Variants in PDE4D observed in about 807,000 individuals in gnomAD.
PDE4D encodes 3',5'-cyclic-AMP phosphodiesterase 4D.
Under a neutral mutation model 87.4 loss-of-function variants are expected in PDE4D, and 24 were observed. The observed-to-expected ratio is 0.27, with a 90% confidence interval of 0.20 to 0.39. The LOEUF is 0.39. PDE4D is among the 10% of genes least tolerant of loss of function. The pLI is 1.00. For synonymous variants in PDE4D, 384 were observed against 383.2 expected, an observed-to-expected ratio of 1.00 and a Z score of -0.02; for missense variants, 714 against 1,041.0, an observed-to-expected ratio of 0.69 and a Z score of 4.32.
At chr5:59,336,800 C>A (rs1015313985) in intron 1 of PDE4D, among the ~76,000 whole-genome samples, 6 of 152,134 alleles carry the variant, frequency 3.9e-5, no homozygotes, top group Admixed American at 1.3e-4. Flanking sequence ...TCTCCATCTT[C>A]CAAGACCCAG....
At chr5:59,393,471 C>T (rs1257710945) in intron 1 of PDE4D, among the ~76,000 whole-genome samples, 1 of 152,194 alleles carries the variant, frequency 6.6e-6, no homozygotes, top group Non-Finnish European at 1.5e-5. Context: ...CACAACTACA[C>T]AAACATATGT....
intron 3 of PDE4D, among the ~76,000 whole-genome samples, chr5:59,963,562 A>ACAGATTACTTATC (rs113058201): frequency 6.6e-6 from 1 of 151,768 alleles, no homozygotes; most frequent in Admixed American, 6.6e-5. Context: ...CTTCTGAAGC[A>ACAGATTACTTATC]CTAAGTTAAC....
intron 5 of PDE4D, among the ~76,000 whole-genome samples, chr5:59,160,399 C>A (rs1780885017): frequency 6.6e-6 from 1 of 151,982 alleles, no homozygotes. Context: ...TAGTGTACAA[C>A]CTTTATTACA....
chr5:59,340,115 C>T (rs899768524), intron 1 of PDE4D, among the ~76,000 whole-genome samples: 4 of 152,120 alleles, frequency 2.6e-5, no homozygotes, highest in Admixed American at 2.6e-4. Flanking sequence ...GCACACTCTA[C>T]AGAAAGTTCC....
intron 1 of PDE4D, among the ~76,000 whole-genome samples, chr5:59,652,237 G>A (rs1743630032): frequency 6.6e-6 from 1 of 152,132 alleles, no homozygotes; most frequent in Non-Finnish European, 1.5e-5. Context: ...AACCTAATCT[G>A]TGAAGCACTC....
chr5:60,372,202 C>T (rs1761093391), intron 1 of PDE4D, among the ~76,000 whole-genome samples: 1 of 150,552 alleles, frequency 6.6e-6, no homozygotes, highest in Non-Finnish European at 1.5e-5. Context: ...CTGTAGATTT[C>T]ATTTGCATTT....
intron 1 of PDE4D, among the ~76,000 whole-genome samples, chr5:59,475,710 T>C (rs1176408571): frequency 6.6e-6 from 1 of 152,006 alleles, no homozygotes; most frequent in Non-Finnish European, 1.5e-5. Flanking sequence ...TCTTACACAG[T>C]GCTTTTTTAG....
chr5:59,959,011 A>G lies in PDE4D; in HGVS notation c.272+29477T>C, dbSNP rs564054248. On this transcript the variant is annotated intron_variant, in intron 3 of 16. Coordinates refer to the PDE4D transcript ENST00000502484. ...AGTAAAGTTTCAGGATACAAAATGAATGTACGAAAATCAGTAGCATTTCTA... is the reference window on the plus strand; with the variant it reads ...AGTAAAGTTTCAGGATACAAAATGAGTGTACGAAAATCAGTAGCATTTCTA... Among the ~76,000 whole-genome samples, 5 of 152,214 alleles carry G rather than the reference A, an allele frequency of 3.3e-5. No homozygotes were observed. In the South Asian group the frequency reaches 6.2e-4, roughly 19 times the overall value.
At chr5:60,239,989 T>C (rs1746895993) in intron 1 of PDE4D, among the ~76,000 whole-genome samples, 1 of 152,136 alleles carries the variant, frequency 6.6e-6, no homozygotes, top group Non-Finnish European at 1.5e-5. Context: ...ATTCTTCTCT[T>C]GTTCCAGATG....
chr5:59,365,710 G>A (rs961442185), intron 1 of PDE4D, among the ~76,000 whole-genome samples: 2 of 152,072 alleles, frequency 1.3e-5, no homozygotes, highest in Non-Finnish European at 2.9e-5. Flanking sequence ...GTGGCTGGGG[G>A]TACAGAGATG....
intron 1 of PDE4D, among the ~76,000 whole-genome samples, chr5:60,187,423 C>T (rs745763467): frequency 5.3e-5 from 8 of 152,000 alleles, no homozygotes; most frequent in East Asian, 3.9e-4. Flanking sequence ...AGATAACAGC[C>T]GTAGGAAACA....
At chr5:60,466,599 T>C (rs1247042072) in intron 1 of PDE4D, among the ~76,000 whole-genome samples, 1 of 152,188 alleles carries the variant, frequency 6.6e-6, no homozygotes, top group Non-Finnish European at 1.5e-5. Flanking sequence ...GAGAGAAATT[T>C]TGTATTGAAT....
At chr5:59,936,762 T>G (rs2152794456) in intron 3 of PDE4D, among the ~76,000 whole-genome samples, 1 of 152,320 alleles carries the variant, frequency 6.6e-6, no homozygotes, top group African/African-American at 2.4e-5. Flanking sequence ...GAATCTGTAA[T>G]GTAACATTGA....
intron 3 of PDE4D, among the ~76,000 whole-genome samples, chr5:59,186,134 AT>A (rs1742859147): frequency 6.6e-6 from 1 of 152,152 alleles, no homozygotes; most frequent in Non-Finnish European, 1.5e-5. Context: ...ATTATAGGTG[AT>A]TTGGGTGACA....
At chr5:60,384,256 G>A (rs1235208618) in intron 1 of PDE4D, among the ~76,000 whole-genome samples, 2 of 152,070 alleles carry the variant, frequency 1.3e-5, no homozygotes, top group African/African-American at 4.8e-5. Flanking sequence ...TAGAGGGGCA[G>A]CATTTTTCAG....
chr5:60,465,882 G>GA (rs11427068), intron 1 of PDE4D, among the ~76,000 whole-genome samples: 4,761 of 126,082 alleles, frequency 0.038, 83 homozygotes, highest in Middle Eastern at 0.092. Flanking sequence ...CAGTGAAAGT[G>GA]AAAAAAAAAA....
intron 11 of PDE4D, among the ~76,000 whole-genome samples, chr5:58,979,998 A>T (rs1250252416): frequency 6.6e-6 from 1 of 152,186 alleles, no homozygotes; most frequent in African/African-American, 2.4e-5. Context: ...GCAAGGCACA[A>T]CATTTAGAGG....
chr5:60,433,879 A>C (rs769664295), intron 1 of PDE4D, among the ~76,000 whole-genome samples: 2 of 152,194 alleles, frequency 1.3e-5, no homozygotes, highest in Non-Finnish European at 2.9e-5. Flanking sequence ...ATTGAGTTAC[A>C]TGGACACAAC....
chr5:59,853,395 T>C lies in PDE4D; in HGVS notation c.455+39773A>G, dbSNP rs1581428478. ...TCTTAAATGTAATTTGTTCTGGTTA[T>C]AAAAATCCTAAAGCTAATTATAAAA... is the stretch of plus-strand genomic sequence containing the variant. On this transcript the variant is annotated intron_variant, in intron 1 of 14. Coordinates refer to ENST00000340635, the MANE Select transcript of PDE4D (RefSeq NM_001104631.2). Among the ~76,000 whole-genome samples the C allele has an allele frequency of 4.6e-5, 7 of 152,184 alleles. No individual in the cohort carries two copies. The South Asian group carries it at 1.4e-3, about 32-fold the overall frequency.
Sources: gnomAD v4.1 joint callset for allele counts (sites outside exome capture counted in the v4.1 genomes callset) on GRCh38, gnomAD v4.1.1 for gene constraint, MANE v1.5 for transcripts, NCBI Gene and HGNC (gene_info 2026-07-23, HGNC 2026-07-21) for gene names.